Variants in ICAM2 observed in about 807,000 individuals in gnomAD.
ICAM2 encodes intercellular adhesion molecule 2, also known as ICAM-2.
Under a neutral mutation model 19.1 loss-of-function variants are expected in ICAM2, and 14 were observed. The ratio of observed to expected loss-of-function variants is 0.73; its 90% confidence interval spans 0.48 to 1.15. ICAM2 has a LOEUF of 1.15. Among genes scored for constraint, ICAM2 ranks in the 50% most tolerant of loss-of-function variants. The pLI, the probability that ICAM2 is intolerant of heterozygous loss-of-function variation, is 0.00. For synonymous variants in ICAM2, 153 were observed against 152.7 expected (o/e 1.00, Z -0.01); for missense variants, 311 against 355.4 (o/e 0.88, Z 1.00).
At chr17:64,010,504 G>C (rs925249877) in intron 1 of ICAM2, among the ~76,000 whole-genome samples, 15 of 150,492 alleles carry the variant, frequency 1.0e-4, no homozygotes, top group African/African-American at 3.7e-4. Flanking sequence ...GCTCTGACAG[G>C]GTCCTAATCC....
intron 1 of ICAM2, among the ~76,000 whole-genome samples, chr17:64,011,757 T>G (rs2143222988): frequency 6.6e-6 from 1 of 152,090 alleles, no homozygotes; most frequent in South Asian, 2.1e-4. Context: ...TAATACTTTT[T>G]AAAAAGAGAT....
At chr17:64,012,408 G>A (rs1032132286) in intron 1 of ICAM2, among the ~76,000 whole-genome samples, 3 of 152,144 alleles carry the variant, frequency 2.0e-5, no homozygotes, top group Non-Finnish European at 4.4e-5. Flanking sequence ...GACCAGCCTG[G>A]ACAACATGGT....
chr17:64,005,326 C>A lies in ICAM2; in HGVS notation c.109G>T (p.Ala37Ser), dbSNP rs5503. 5 of 1,614,002 alleles carry A rather than the reference C, an allele frequency of 3.1e-6. No homozygotes were observed. The African/African-American group carries it at 4.0e-5, about 13-fold the overall frequency. The change falls in exon 3 of 5, where the codon GCG (alanine) becomes TCG (serine). Residue 37 changes from alanine (A) to serine (S), a missense_variant. Physicochemically the swap from Ala to Ser is moderately conservative, Grantham distance 99 (BLOSUM62 1). Coordinates refer to ENST00000579788, the MANE Select transcript of ICAM2 (RefSeq NM_001099789.2). ...FEVHVRPKKL[A>S]VEPKGSLEVN... is the part of the protein sequence containing the mutation. ...TCGAGGGACCCTTTGGGCTCAACCG[C>A]CAGCTTCTTTGGCCTCACGTGTACC...
rs146658147 is a variant in ICAM2 at position 64,003,658 on chromosome 17, A to G, written c.635T>C (p.Met212Thr). Reference sequence around the variant, plus strand: ...TCCCCCCTCACCATAGATCTCCAACATCTTCGGGGCTGAGTGTTTGTGAAA... The same window carrying G: ...TCCCCCCTCACCATAGATCTCCAACGTCTTCGGGGCTGAGTGTTTGTGAAA... Reference protein sequence around the residue: ...NIFHKHSAPKMLEIYEPVSDS... With the variant: ...NIFHKHSAPKTLEIYEPVSDS... Residue 212 changes from methionine (M) to threonine (T), a missense_variant, in exon 4 of 5, where the codon ATG (methionine) becomes ACG (threonine). Coordinates refer to ENST00000579788, the MANE Select transcript of ICAM2 (RefSeq NM_001099789.2). 4 of 1,613,410 alleles carry G rather than the reference A, an allele frequency of 2.5e-6. No individual in the cohort carries two copies. The highest frequency in any genetic ancestry group is 3.4e-6 in the Non-Finnish European group (4 of 1,179,626).
intron 1 of ICAM2, among the ~76,000 whole-genome samples, chr17:64,019,303 G>A (rs1393833810): frequency 6.6e-6 from 1 of 152,022 alleles, no homozygotes; most frequent in Non-Finnish European, 1.5e-5. Context: ...GAAGATCACT[G>A]GATCCCAGGA....
intron 1 of ICAM2, chr17:64,007,708 C>CA (rs1567847051): frequency 6.6e-6 from 1 of 152,326 alleles, no homozygotes; most frequent in African/African-American, 2.4e-5. Context: ...TGCAGCCACA[C>CA]CCCCAAACCA....
rs1207486561 is a variant in ICAM2 at position 64,002,954 on chromosome 17, A to C, written c.650-29T>G. On this transcript the variant is annotated intron_variant, in intron 4 of 4. Coordinates refer to ENST00000579788, the MANE Select transcript of ICAM2 (RefSeq NM_001099789.2). ...GGGAGGGAGGGGGCAAGGGTCTTAGACGTCCTGTGATCCCAGTTACCAGGG... is the reference window on the plus strand; with the variant it reads ...GGGAGGGAGGGGGCAAGGGTCTTAGCCGTCCTGTGATCCCAGTTACCAGGG... 5.0e-6 allele frequency: 8 copies of C among 1,597,432 alleles called. No individual in the cohort carries two copies. In the East Asian group the frequency reaches 1.1e-4, roughly 22 times the overall value.
intron 1 of ICAM2, 56 bp downstream of exon 1, chr17:64,020,467 A>T (rs1305258543): frequency 6.6e-6 from 1 of 152,284 alleles, no homozygotes; most frequent in Non-Finnish European, 1.5e-5. Flanking sequence ...ACACTGCCAA[A>T]ATCCTTCCCA....
intron 1 of ICAM2, among the ~76,000 whole-genome samples, chr17:64,012,316 G>C (rs2143225378): frequency 6.6e-6 from 1 of 152,106 alleles, no homozygotes; most frequent in Middle Eastern, 3.4e-3. Context: ...AAAAATTTTA[G>C]GCTGGGCAAG....
At chr17:64,009,273 G>A (rs1483264623) in intron 1 of ICAM2, among the ~76,000 whole-genome samples, 1 of 151,044 alleles carries the variant, frequency 6.6e-6, no homozygotes, top group Non-Finnish European at 1.5e-5. Flanking sequence ...GGCGAAGGCT[G>A]TTTTTAGTTT....
chr17:64,014,703 AAGGAAGG>A, intron 1 of ICAM2, among the ~76,000 whole-genome samples: 5 of 22,854 alleles, frequency 2.2e-4, no homozygotes, highest in African/African-American at 3.6e-4. Flanking sequence ...GGAAGGAAGG[AAGGAAGG>A]AAGGAAGGAA....
At chr17:64,006,913 A>T (rs919051795) in intron 1 of ICAM2, 178 bp from the exon 2 acceptor site, 1 of 590,382 alleles carries the variant, frequency 1.7e-6, no homozygotes, top group East Asian at 2.8e-5. Context: ...GAAGCTGCTG[A>T]TAAGCAGGGC....
intron 3 of ICAM2, 40 bp from the exon 4 acceptor site, chr17:64,004,004 G>T: frequency 6.8e-7 from 1 of 1,475,804 alleles, no homozygotes; most frequent in Non-Finnish European, 9.2e-7. Context: ...CAGGATGGGG[G>T]TGCAGTCCCA....
In ICAM2 at chr17:64,020,611, T is replaced by A. The variant is rs976650768; in HGVS notation, c.-133A>T. ...AGGTGCGCGTGTCACAGCTGCCCAG[T>A]TCACGGCTTATTCAGTCTTCTCCCT... On this transcript the variant is annotated 5_prime_UTR_variant, in exon 1 of 5. Transcript: ENST00000579788. 7 of 151,960 alleles carry A rather than the reference T, an allele frequency of 4.6e-5. No individual in the cohort carries two copies. Among genetic ancestry groups the A allele is most frequent in the Admixed American group, 1.3e-4 (2 of 15,228 alleles). The allele number at this position is 151,960 out of a possible 1,614,324, so 9.4% of individuals were successfully genotyped here.
At chr17:64,020,313 G>A (rs1598030662) in intron 1 of ICAM2, 1 of 152,362 alleles carries the variant, frequency 6.6e-6, no homozygotes, top group South Asian at 2.1e-4. Context: ...AAGTGCGTGA[G>A]CTCAGAGACC....
At chr17:64,018,850 T>C (rs1911828184) in intron 1 of ICAM2, among the ~76,000 whole-genome samples, 1 of 150,044 alleles carries the variant, frequency 6.7e-6, no homozygotes, top group African/African-American at 2.5e-5. Flanking sequence ...GTCTCCCGAA[T>C]AGCTGAAACT....
intron 2 of ICAM2, 35 bp downstream of exon 2, chr17:64,006,596 T>C (rs1162952059): frequency 6.3e-7 from 1 of 1,596,260 alleles, no homozygotes; most frequent in African/African-American, 1.3e-5. Context: ...TCGGCTGGCA[T>C]GTGCCAAATC....
At chr17:64,014,375 GA>G (rs1911587087) in intron 1 of ICAM2, among the ~76,000 whole-genome samples, 3 of 53,002 alleles carry the variant, frequency 5.7e-5, no homozygotes, top group African/African-American at 1.9e-4. Context: ...AAGAAAGAAA[GA>G]AAGGAAGGAA....
intron 1 of ICAM2, among the ~76,000 whole-genome samples, chr17:64,014,904 T>C (rs546364842): frequency 2.8e-4 from 43 of 152,002 alleles, no homozygotes; most frequent in Non-Finnish European, 3.1e-4. Context: ...AGTGCGATAT[T>C]ATCTCTCTAT....
Sources: allele counts gnomAD v4.1 joint callset (sites outside exome capture counted in the v4.1 genomes callset), GRCh38; gene constraint gnomAD v4.1.1; transcripts MANE v1.5; gene names NCBI Gene and HGNC (gene_info 2026-07-23, HGNC 2026-07-21).